LIMS1: variants seen among roughly 807,000 people sequenced by gnomAD.
The protein encoded by LIMS1 is LIM and senescent cell antigen-like-containing domain protein 1.
In LIMS1, 18 loss-of-function variants were observed where a neutral mutation model predicts 44.1. The observed-to-expected ratio is 0.41, with a 90% CI of 0.28 to 0.61. The LOEUF is 0.61. Ranked by LOEUF, LIMS1 falls within the 20% of genes least tolerant of loss-of-function variation. LIMS1 has a pLI of 0.32. For synonymous variants in LIMS1, 93 were observed against 149.1 expected (o/e 0.62, Z 2.74); for missense variants, 201 against 422.0 (o/e 0.48, Z 4.59).
chr2:108,677,012 T>G (rs1692611549), intron 7 of LIMS1: 3 of 290,586 alleles, frequency 1.0e-5, no homozygotes, highest in Admixed American at 4.7e-5. Context: ...TCATACTCCT[T>G]TATCCCTAAA....
intron 1 of LIMS1, among the ~76,000 whole-genome samples, chr2:108,596,846 G>A (rs1324944310): frequency 2.0e-5 from 3 of 150,582 alleles, no homozygotes; most frequent in African/African-American, 7.3e-5. Flanking sequence ...TAAAAAGGAG[G>A]GGGGCATGTT....
chr2:108,598,540 A>G (rs1444760013), intron 1 of LIMS1, among the ~76,000 whole-genome samples: 2 of 152,202 alleles, frequency 1.3e-5, no homozygotes, highest in African/African-American at 4.8e-5. Flanking sequence ...GCTTAGGATT[A>G]AGCCCTGATG....
intron 1 of LIMS1, among the ~76,000 whole-genome samples, chr2:108,635,735 G>A (rs982979219): frequency 3.3e-5 from 5 of 152,096 alleles, no homozygotes; most frequent in African/African-American, 1.2e-4. Context: ...TTGGACTCCC[G>A]TTTAACTGAC....
chr2:108,580,833 T>C (rs1685857424), intron 1 of LIMS1, among the ~76,000 whole-genome samples: 1 of 152,122 alleles, frequency 6.6e-6, no homozygotes, highest in Non-Finnish European at 1.5e-5. Context: ...GGGCTTTCAT[T>C]CAGTTATGAA....
At chr2:108,623,972 C>A (rs1310932435) in intron 1 of LIMS1, among the ~76,000 whole-genome samples, 1 of 152,218 alleles carries the variant, frequency 6.6e-6, no homozygotes, top group Non-Finnish European at 1.5e-5. Flanking sequence ...TTGTTCAAAA[C>A]CGAAGCAGGT....
At chr2:108,601,607 T>C (rs1025830659) in intron 1 of LIMS1, among the ~76,000 whole-genome samples, 1 of 152,240 alleles carries the variant, frequency 6.6e-6, no homozygotes, top group African/African-American at 2.4e-5. Context: ...CAGGACTTAG[T>C]GACCATTGTT....
chr2:108,551,506 C>G, intron 1 of LIMS1, among the ~76,000 whole-genome samples: 1 of 139,970 alleles, frequency 7.1e-6, no homozygotes, highest in Non-Finnish European at 1.5e-5. Context: ...CACACACACA[C>G]ACACACACAC....
chr2:108,578,067 G>A (rs1685737644), intron 1 of LIMS1, among the ~76,000 whole-genome samples: 1 of 152,058 alleles, frequency 6.6e-6, no homozygotes, highest in South Asian at 2.1e-4. Context: ...CCGCCACTGC[G>A]CCTGGCTAAT....
Position 108,662,452 on chromosome 2 carries a change from C to G in LIMS1, c.192+2688C>G, listed in dbSNP as rs1255225711. 8 of 1,401,704 alleles carry G rather than the reference C, an allele frequency of 5.7e-6. No individual in the cohort carries two copies. The East Asian group carries it at 1.5e-4, about 27-fold the overall frequency. 86.8% of individuals were successfully genotyped at this position (1,401,704 alleles called of 1,614,324 possible). On this transcript the variant is annotated intron_variant, in intron 2 of 9. Transcript: ENST00000544547. ...CTCCCTGGGTCTGTGTGCTGTTATT[C>G]CAAAAGATGCGATGAATACCCAGAA...
At chr2:108,664,414 A>G (rs1691604791) in intron 2 of LIMS1, among the ~76,000 whole-genome samples, 1 of 152,184 alleles carries the variant, frequency 6.6e-6, no homozygotes, top group Non-Finnish European at 1.5e-5. Flanking sequence ...CTTCCCCCAC[A>G]CAGAGCGACC....
At chr2:108,673,513 A>T (rs1289183657) in intron 5 of LIMS1, 1 of 186,774 alleles carries the variant, frequency 5.4e-6, no homozygotes, top group Non-Finnish European at 1.1e-5. Flanking sequence ...CAGCCTCCAG[A>T]GTAGCTGAGA....
At chr2:108,568,918 G>GTTGT (rs1685386799) in intron 1 of LIMS1, among the ~76,000 whole-genome samples, 1 of 151,834 alleles carries the variant, frequency 6.6e-6, no homozygotes, top group African/African-American at 2.4e-5. Flanking sequence ...TTGAGATGGA[G>GTTGT]TCTCACTCTG....
chr2:108,554,889 A>AT (rs1369371283), intron 1 of LIMS1, among the ~76,000 whole-genome samples: 1 of 152,154 alleles, frequency 6.6e-6, no homozygotes, highest in Non-Finnish European at 1.5e-5. Context: ...AAGATGTAGA[A>AT]TCTTGGGCCC....
intron 1 of LIMS1, among the ~76,000 whole-genome samples, chr2:108,642,445 C>T (rs1216356626): frequency 3.5e-5 from 5 of 143,802 alleles, no homozygotes; most frequent in Non-Finnish European, 4.5e-5. Context: ...CTGCAAGCTC[C>T]GCCTCCCGGG....
At chr2:108,535,539 A>G (rs952007626) in intron 1 of LIMS1, among the ~76,000 whole-genome samples, 7 of 152,162 alleles carry the variant, frequency 4.6e-5, no homozygotes, top group Non-Finnish European at 1.0e-4. Context: ...GTAACACCAT[A>G]TATTTGTCGT....
intron 1 of LIMS1, among the ~76,000 whole-genome samples, chr2:108,632,801 T>C (rs1689006917): frequency 6.6e-6 from 1 of 152,210 alleles, no homozygotes; most frequent in South Asian, 2.1e-4. Flanking sequence ...TAAATGTAGA[T>C]GAAAATATTA....
At chr2:108,648,847 G>T (rs1176590920) in intron 1 of LIMS1, among the ~76,000 whole-genome samples, 1 of 152,148 alleles carries the variant, frequency 6.6e-6, no homozygotes, top group Non-Finnish European at 1.5e-5. Context: ...ATGGATTAAA[G>T]ATTTAAATGT....
At chr2:108,588,232 G>C in intron 1 of LIMS1, 1 of 537,254 alleles carries the variant, frequency 1.9e-6, no homozygotes, top group African/African-American at 2.1e-5. Context: ...TGGGGTTATC[G>C]TGTAACACAC....
At chr2:108,653,951 C>T (rs942078790) in intron 1 of LIMS1, among the ~76,000 whole-genome samples, 1 of 141,948 alleles carries the variant, frequency 7.0e-6, no homozygotes, top group Non-Finnish European at 1.5e-5. Context: ...CTCAGTGAAC[C>T]TACATTTTTA....
Sources: gnomAD v4.1 joint callset for allele counts (sites outside exome capture counted in the v4.1 genomes callset) on GRCh38, gnomAD v4.1.1 for gene constraint, MANE v1.5 for transcripts, NCBI Gene and HGNC (gene_info 2026-07-23, HGNC 2026-07-21) for gene names.